Variants in LDB2 observed in about 807,000 individuals in gnomAD.
LDB2 encodes the protein LIM domain-binding protein 2.
Under a neutral mutation model 44.3 loss-of-function variants are expected in LDB2, and 12 were observed. That is an observed-to-expected ratio of 0.27 (90% CI 0.17 to 0.44). LDB2 has a LOEUF of 0.44. Ranked by LOEUF, LDB2 falls within the 20% of genes least tolerant of loss-of-function variation. The pLI is 1.00. For missense variants in LDB2, 344 were observed against 473.5 expected, an observed-to-expected ratio of 0.73 and a Z score of 2.54; for synonymous variants, 164 against 174.8, an observed-to-expected ratio of 0.94 and a Z score of 0.49.
At chr4:16,704,400 C>T (rs1472679105) in intron 2 of LDB2, among the ~76,000 whole-genome samples, 1 of 152,198 alleles carries the variant, frequency 6.6e-6, no homozygotes, top group Non-Finnish European at 1.5e-5. Context: ...TAACTACTAA[C>T]ATTATTGTTA....
intron 2 of LDB2, among the ~76,000 whole-genome samples, chr4:16,710,530 G>C (rs1394213909): frequency 6.6e-6 from 1 of 152,084 alleles, no homozygotes; most frequent in Admixed American, 6.6e-5. Context: ...TTTGTGGGCA[G>C]GACCCCAGAA....
chr4:16,833,739 C>G (rs912894411), intron 1 of LDB2, among the ~76,000 whole-genome samples: 2 of 152,124 alleles, frequency 1.3e-5, no homozygotes, highest in African/African-American at 4.8e-5. Context: ...GATGGGGTTT[C>G]AGCATGTTGT....
chr4:16,579,642 CTT>C (rs1713483926), intron 5 of LDB2, among the ~76,000 whole-genome samples: 1 of 152,140 alleles, frequency 6.6e-6, no homozygotes. Context: ...GCATTCAACT[CTT>C]TTGTTCCTCA....
At chr4:16,621,349 G>T (rs1728818858) in intron 2 of LDB2, among the ~76,000 whole-genome samples, 2 of 152,096 alleles carry the variant, frequency 1.3e-5, no homozygotes, top group Non-Finnish European at 2.9e-5. Flanking sequence ...GGTCCCAGAG[G>T]GTAGAGCAAG....
chr4:16,793,595 T>C (rs772514444), intron 1 of LDB2, among the ~76,000 whole-genome samples: 2 of 152,238 alleles, frequency 1.3e-5, no homozygotes, highest in African/African-American at 2.4e-5. Flanking sequence ...CAAAAAGCAG[T>C]GTTTTGTTCA....
chr4:16,709,929 T>C lies in LDB2; in HGVS notation c.235+49229A>G, dbSNP rs572500923. 1.6e-4 allele frequency among the ~76,000 whole-genome samples: 24 copies of C among 152,258 alleles called. 1 individual carries two copies. The South Asian group carries it at 2.5e-3, about 16-fold the overall frequency. On this transcript the variant is annotated intron_variant, in intron 2 of 7. Transcript: ENST00000304523. ...ATACACCCCTAGAGATATTTGGCCA[T>C]GTGACCTTGATCTATACAAGCATAT...
intron 1 of LDB2, among the ~76,000 whole-genome samples, chr4:16,762,452 T>C (rs983260232): frequency 6.6e-6 from 1 of 151,960 alleles, no homozygotes; most frequent in African/African-American, 2.4e-5. Flanking sequence ...AGGAAAGAGG[T>C]TTAATTGACT....
At chr4:16,550,900 C>G (rs1176552015) in intron 5 of LDB2, among the ~76,000 whole-genome samples, 1 of 152,144 alleles carries the variant, frequency 6.6e-6, no homozygotes, top group Non-Finnish European at 1.5e-5. Flanking sequence ...TTGCATATTC[C>G]TATAATACAA....
chr4:16,542,488 G>C (rs60405451), intron 5 of LDB2, among the ~76,000 whole-genome samples: 5,125 of 152,224 alleles, frequency 0.034, 169 homozygotes, highest in East Asian at 0.16. Context: ...CGGAGGGAGG[G>C]ATGGGCTTGG....
chr4:16,662,709 G>A (rs1263234831), intron 2 of LDB2, among the ~76,000 whole-genome samples: 1 of 151,980 alleles, frequency 6.6e-6, no homozygotes, highest in African/African-American at 2.4e-5. Flanking sequence ...TTCATAAAGG[G>A]CAGTTCCCCT....
At chr4:16,704,678 G>A (rs933680775) in intron 2 of LDB2, among the ~76,000 whole-genome samples, 9 of 152,194 alleles carry the variant, frequency 5.9e-5, no homozygotes, top group South Asian at 4.1e-4. Context: ...GGCCTATGAC[G>A]TAGTCACATA....
chr4:16,569,680 GTCCATCCA>G (rs1560503591), intron 5 of LDB2, among the ~76,000 whole-genome samples: 1 of 151,948 alleles, frequency 6.6e-6, no homozygotes, highest in African/African-American at 2.4e-5. Flanking sequence ...CCATCCATCC[GTCCATCCA>G]TCCATCCAGC....
chr4:16,812,364 A>T (rs1048290476), intron 1 of LDB2, among the ~76,000 whole-genome samples: 1 of 152,104 alleles, frequency 6.6e-6, no homozygotes, highest in African/African-American at 2.4e-5. Flanking sequence ...ATTATGATCT[A>T]AGAGGCACAG....
intron 1 of LDB2, among the ~76,000 whole-genome samples, chr4:16,789,470 C>T (rs1055390183): frequency 7.2e-5 from 11 of 152,118 alleles, no homozygotes; most frequent in Admixed American, 2.0e-4. Context: ...ACCAATGTAA[C>T]GAGTAAAGTG....
At chr4:16,672,832 T>TTTCTTTCCTTCCTTCCTTCC (rs5856378) in intron 2 of LDB2, among the ~76,000 whole-genome samples, 30 of 147,832 alleles carry the variant, frequency 2.0e-4, no homozygotes, top group African/African-American at 7.0e-4. Flanking sequence ...GCCTGCCTTC[T>TTTCTTTCCTTCCTTCCTTCC]TTCCTTCCTT....
intron 2 of LDB2, 125 bp downstream of exon 2, chr4:16,759,033 G>A (rs575886414): frequency 1.6e-6 from 1 of 625,608 alleles, no homozygotes; most frequent in East Asian, 2.8e-5. Context: ...TGAGAAGCAA[G>A]AACATTCTCA....
intron 5 of LDB2, among the ~76,000 whole-genome samples, chr4:16,555,669 T>C (rs1038270359): frequency 6.6e-6 from 1 of 152,212 alleles, no homozygotes; most frequent in Admixed American, 6.5e-5. Context: ...TCCTTTCCTC[T>C]GCCTGGAAGC....
At chr4:16,822,873 A>T (rs1470099596) in intron 1 of LDB2, among the ~76,000 whole-genome samples, 3 of 152,214 alleles carry the variant, frequency 2.0e-5, no homozygotes, top group African/African-American at 7.2e-5. Flanking sequence ...GCCAGGAGAT[A>T]GTCTACATAT....
intron 2 of LDB2, among the ~76,000 whole-genome samples, chr4:16,673,034 TC>T (rs139209699): frequency 2.0e-5 from 3 of 151,816 alleles, no homozygotes; most frequent in East Asian, 1.9e-4. Flanking sequence ...CTCTCTTTCT[TC>T]CCCCCTTACT....
Sources: gnomAD v4.1 joint callset for allele counts (sites outside exome capture counted in the v4.1 genomes callset) on GRCh38, gnomAD v4.1.1 for gene constraint, MANE v1.5 for transcripts, NCBI Gene and HGNC (gene_info 2026-07-23, HGNC 2026-07-21) for gene names.